Variants in ZNF318 observed in about 807,000 individuals in gnomAD.
The protein encoded by ZNF318 is zinc finger protein 318, also known as endocrine regulator.
Under a neutral mutation model 124.2 loss-of-function variants are expected in ZNF318, and 51 were observed. The ratio of observed to expected loss-of-function variants is 0.41; its 90% CI spans 0.33 to 0.52. ZNF318 has a LOEUF of 0.52. Ranked by LOEUF, ZNF318 falls within the 20% of genes least tolerant of loss-of-function variation. ZNF318 has a pLI of 0.23. For missense variants in ZNF318, 2,815 were observed against 2,811.2 expected, an observed-to-expected ratio of 1.00 and a Z score of -0.03; for synonymous variants, 1,090 against 1,040.7, an observed-to-expected ratio of 1.05 and a Z score of -0.91.
chr6:43,355,062 A>C lies in ZNF318; in HGVS notation c.2272T>G (p.Leu758Val). 6.2e-7 allele frequency: 1 copy of C among 1,614,114 alleles called. No homozygotes were observed. Among genetic ancestry groups the C allele is most frequent in the Non-Finnish European group, 8.5e-7 (1 of 1,179,998 alleles). The stretch of plus-strand genomic sequence containing the variant: ...GCCCTTGGCATGTGAAACTGAGATA[A>C]AGCAGCAGTGTGTGGAAGTCTAATT... ...APIRLPHTAALSQFHMPRASQ... is the reference protein window; with the variant it reads ...APIRLPHTAAVSQFHMPRASQ... Residue 758 changes from leucine (L) to valine (V), a missense_variant, in exon 4 of 10, where the codon TTA becomes GTA. Transcript: ENST00000361428.
In ZNF318 at chr6:43,339,211, A is replaced by G. The variant is rs942124916; in HGVS notation, c.4787T>C (p.Leu1596Ser). ...GAGGTTGCTATTTTCCCCATTGGCC[A>G]ATGGACCACCACTTAGCTTAGTCTC... ...APETKLSGGP[L>S]ANGENSNLSR... Residue 1596 changes from leucine (L) to serine (S), a missense_variant, in exon 10 of 10, where the codon TTG becomes TCG. This residue lies in a region of ZNF318 where 927 missense variants were observed against 820.6 expected (regional missense o/e 1.13). Transcript: ENST00000361428. This position sits in a 1 kb window ranked among gnomAD's most constrained non-coding sequence, Gnocchi z 4.2. 7.4e-6 allele frequency: 12 copies of G among 1,614,192 alleles called. No homozygotes were observed. Among genetic ancestry groups the G allele is most frequent in the Non-Finnish European group, 1.0e-5 (12 of 1,180,030 alleles).
intron 6 of ZNF318, among the ~76,000 whole-genome samples, chr6:43,346,797 C>T (rs2150751412): frequency 6.6e-6 from 1 of 152,184 alleles, no homozygotes; most frequent in South Asian, 2.1e-4. Context: ...AGATATTGCA[C>T]ATCCGGAAAA....
In ZNF318 at chr6:43,352,465, C is replaced by G; in HGVS notation, c.2682G>C (p.Glu894Asp). 1 of 1,614,044 alleles carries G rather than the reference C, an allele frequency of 6.2e-7. No individual in the cohort carries two copies. Among genetic ancestry groups the G allele is most frequent in the Non-Finnish European group, 8.5e-7 (1 of 1,179,962 alleles). The change falls in exon 5 of 10, where the codon GAG (glutamate) becomes GAC (aspartate). Residue 894 changes from glutamate to aspartate, a missense_variant. Coordinates refer to ENST00000361428, the MANE Select transcript of ZNF318 (RefSeq NM_014345.3). The part of the protein sequence containing the change: ...RASQKQKVIE[E>D]REKLKNDREA... ...CCCGGTCATTCTTTAGTTTTTCCCT[C>G]TCTTCAATAACCTGCAAAATACAAA...
chr6:43,343,863 G>A (rs565185271), intron 6 of ZNF318, among the ~76,000 whole-genome samples: 8 of 148,756 alleles, frequency 5.4e-5, no homozygotes, highest in African/African-American at 1.5e-4. Context: ...TTTTAACACC[G>A]TTAACATGTA....
chr6:43,356,401 T>C (rs1453621120), intron 3 of ZNF318, among the ~76,000 whole-genome samples: 4 of 152,126 alleles, frequency 2.6e-5, no homozygotes, highest in Admixed American at 1.3e-4. Context: ...TAAAAGGAAT[T>C]TGAATTCAAA....
chr6:43,355,675 C>T lies in ZNF318; in HGVS notation c.1659G>A (p.Lys553=). The T allele has an allele frequency of 6.2e-7, 1 of 1,614,220 alleles. No individual in the cohort carries two copies. Among genetic ancestry groups the T allele is most frequent in the Non-Finnish European group, 8.5e-7 (1 of 1,180,040 alleles). Residue 553 remains lysine, a synonymous_variant, in exon 4 of 10, where the codon AAG becomes AAA. Transcript: ENST00000361428. ...EEDLKAESVP[K]PLGSSESEVM... is the part of the protein sequence containing the mutation. ...CTTCACTCTCAGAGCTCCCAAGGGG[C>T]TTTGGTACGGATTCTGCCTTTAAAT... is the stretch of plus-strand genomic sequence containing the variant.
chr6:43,340,779 C>T lies in ZNF318; in HGVS notation c.3495+11G>A. 1.2e-6 allele frequency: 2 copies of T among 1,607,410 alleles called. No individual in the cohort carries two copies. Among genetic ancestry groups the T allele is most frequent in the South Asian group, 2.2e-5 (2 of 90,938 alleles). On this transcript the variant is annotated intron_variant, in intron 9 of 9. Coordinates refer to ENST00000361428, the MANE Select transcript of ZNF318 (RefSeq NM_014345.3). ...AAGTTGGAAACTCCACAGCCTACTA[C>T]AAAGACCAACCTTGTATTTCTCATT... is the stretch of plus-strand genomic sequence containing the variant.
chr6:43,341,238 CA>C, intron 8 of ZNF318, among the ~76,000 whole-genome samples: 1 of 152,168 alleles, frequency 6.6e-6, no homozygotes, highest in Non-Finnish European at 1.5e-5. Flanking sequence ...ACTATACTCC[CA>C]AATAGCCCAT....
At chr6:43,345,875 G>C (rs1269415794) in intron 6 of ZNF318, among the ~76,000 whole-genome samples, 1 of 152,050 alleles carries the variant, frequency 6.6e-6, no homozygotes, top group Non-Finnish European at 1.5e-5. Flanking sequence ...GGGAGGCTGA[G>C]GCGGGAGGAT....
intron 2 of ZNF318, chr6:43,363,524 G>A (rs899594581): frequency 4.5e-5 from 10 of 221,218 alleles, no homozygotes; most frequent in African/African-American, 2.3e-4. Flanking sequence ...CTTCCATGGA[G>A]GGGCTGGGGT....
chr6:43,347,434 C>T (rs1004930117), intron 6 of ZNF318, among the ~76,000 whole-genome samples: 7 of 152,148 alleles, frequency 4.6e-5, no homozygotes, highest in Admixed American at 3.9e-4. Flanking sequence ...GGAGAGGGAC[C>T]TGACAGAATT....
At chr6:43,343,599 T>C (rs1185944122) in intron 6 of ZNF318, among the ~76,000 whole-genome samples, 1 of 151,964 alleles carries the variant, frequency 6.6e-6, no homozygotes, top group Non-Finnish European at 1.5e-5. Context: ...GAGGTCGAGG[T>C]GGGCAGATCA....
chr6:43,342,587 C>T (rs1779386217), intron 7 of ZNF318, 89 bp downstream of exon 7: 1 of 1,408,892 alleles, frequency 7.1e-7, no homozygotes, highest in Non-Finnish European at 9.9e-7. Context: ...GAGAATGTTT[C>T]CTTTTCCAGC....
intron 2 of ZNF318, among the ~76,000 whole-genome samples, chr6:43,360,404 G>C (rs1247005958): frequency 1.3e-5 from 2 of 152,092 alleles, no homozygotes; most frequent in African/African-American, 4.8e-5. Context: ...CCCTAAAAAG[G>C]GTACAATCTC....
intron 6 of ZNF318, among the ~76,000 whole-genome samples, chr6:43,347,223 G>C (rs987408273): frequency 6.6e-6 from 1 of 152,192 alleles, no homozygotes; most frequent in Non-Finnish European, 1.5e-5. Context: ...GGAATGAAAA[G>C]GTTAGTAATG....
chr6:43,337,644 C>T lies in ZNF318; in HGVS notation c.6354G>A (p.Gly2118=), dbSNP rs752826958. ...GLTENVDRGL[G]GLEGTHQALD... ...GGGCCTGGTGTGTTCCCTCTAGGCC[C>T]CCCAAGCCACGGTCAACATTTTCTG... Residue 2118 remains glycine, a synonymous_variant, in exon 10 of 10, where the codon GGG becomes GGA. Coordinates refer to ENST00000361428, the MANE Select transcript of ZNF318 (RefSeq NM_014345.3). 3 of 1,614,120 alleles carry T rather than the reference C, an allele frequency of 1.9e-6. No homozygotes were observed. The Admixed American group carries it at 5.0e-5, about 27-fold the overall frequency.
intron 2 of ZNF318, chr6:43,363,917 G>T: frequency 1.5e-6 from 1 of 676,236 alleles, no homozygotes; most frequent in Admixed American, 2.2e-5. Flanking sequence ...GTGCACAGAG[G>T]CTACTGGGGG....
At chr6:43,344,197 A>G (rs1448149690) in intron 6 of ZNF318, among the ~76,000 whole-genome samples, 1 of 152,212 alleles carries the variant, frequency 6.6e-6, no homozygotes. Flanking sequence ...GAATCACTAA[A>G]GAAATCACAC....
intron 7 of ZNF318, 71 bp from the exon 8 acceptor site, chr6:43,342,282 T>TC (rs1581639944): frequency 3.9e-6 from 5 of 1,282,594 alleles, no homozygotes; most frequent in African/African-American, 3.0e-5. Flanking sequence ...CTCTTTTTTT[T>TC]CCCCCATAAT....
Sources: gnomAD v4.1 joint callset for allele counts (sites outside exome capture counted in the v4.1 genomes callset) on GRCh38, gnomAD v4.1.1 for gene constraint, gnomAD v4.1.1 regional missense constraint, Gnocchi (gnomAD v3.1) non-coding constraint, MANE v1.5 for transcripts, NCBI Gene and HGNC (gene_info 2026-07-23, HGNC 2026-07-21) for gene names.